The following FAT3 variants were observed in gnomAD, a reference collection of about 807,000 sequenced individuals.
FAT3 encodes the protein protocadherin Fat 3.
In FAT3, 95 loss-of-function variants were observed where a neutral mutation model predicts 310.2. The observed-to-expected ratio is 0.31, with a 90% CI of 0.26 to 0.36. The LOEUF (loss-of-function observed/expected upper bound fraction) is 0.36. FAT3 is among the 10% of genes least tolerant of loss of function. The pLI is 1.00. For synonymous variants in FAT3, 2,314 were observed against 2,192.9 expected, an observed-to-expected ratio of 1.06 and a Z score of -1.54; for missense variants, 5,408 against 5,715.6, an observed-to-expected ratio of 0.95 and a Z score of 1.74.
intron 2 of FAT3, among the ~76,000 whole-genome samples, chr11:92,424,706 A>G (rs189822775): frequency 1.6e-4 from 25 of 152,268 alleles, no homozygotes; most frequent in African/African-American, 5.1e-4. Context: ...TGAAACATTT[A>G]TCACTTCTTT....
At chr11:92,773,307 C>T (rs1946506058) in intron 6 of FAT3, among the ~76,000 whole-genome samples, 1 of 152,120 alleles carries the variant, frequency 6.6e-6, no homozygotes. Flanking sequence ...GTAAAGTTTT[C>T]TAAACTTCCA....
chr11:92,575,906 A>G (rs1301397723), intron 3 of FAT3, among the ~76,000 whole-genome samples: 3 of 152,200 alleles, frequency 2.0e-5, no homozygotes, highest in African/African-American at 7.2e-5. Context: ...GTTATTTAAA[A>G]GTATCAGAGA....
intron 13 of FAT3, among the ~76,000 whole-genome samples, chr11:92,824,996 A>G (rs958038710): frequency 2.0e-5 from 3 of 152,164 alleles, no homozygotes; most frequent in African/African-American, 7.2e-5. Context: ...TTTTTTCACA[A>G]ATGCAAACAT....
chr11:92,732,913 A>G (rs565881202), intron 4 of FAT3, among the ~76,000 whole-genome samples: 59 of 152,280 alleles, frequency 3.9e-4, no homozygotes, highest in African/African-American at 1.4e-3. Flanking sequence ...TGGACGGTGG[A>G]AAGGTGATAA....
In FAT3 at chr11:92,817,558, T is replaced by C. The variant is rs568072182; in HGVS notation, c.9481+7482T>C. On this transcript the variant is annotated intron_variant, in intron 13 of 27. Coordinates refer to ENST00000525166, the MANE Select transcript of FAT3 (RefSeq NM_001367949.2). ...TTGCTGTCTATGTTGGGAATTTGTTTAGTGAGTATTTCATGAGAGAGATAG... is the reference window on the plus strand; with the variant it reads ...TTGCTGTCTATGTTGGGAATTTGTTCAGTGAGTATTTCATGAGAGAGATAG... Among the ~76,000 whole-genome samples the C allele has an allele frequency of 2.0e-5, 3 of 152,292 alleles. No homozygotes were observed. The South Asian group carries it at 6.2e-4, about 32-fold the overall frequency.
At chr11:92,636,960 C>G (rs59768266) in intron 3 of FAT3, among the ~76,000 whole-genome samples, 4,483 of 152,258 alleles carry the variant, frequency 0.029, 235 homozygotes, top group African/African-American at 0.099. Context: ...GACCTCTGGC[C>G]ATCACTGCAG....
chr11:92,378,303 C>A (rs911832867), intron 2 of FAT3, among the ~76,000 whole-genome samples: 7 of 152,056 alleles, frequency 4.6e-5, no homozygotes, highest in Admixed American at 3.3e-4. Context: ...GCTCTCTTGG[C>A]CAGTGGTTAG....
intron 3 of FAT3, among the ~76,000 whole-genome samples, chr11:92,565,582 C>A: frequency 6.6e-6 from 1 of 151,330 alleles, no homozygotes; most frequent in African/African-American, 2.4e-5. Flanking sequence ...GAGAAACAAC[C>A]AAAAAAGAGA....
chr11:92,839,754 G>A (rs1948490678), intron 17 of FAT3, among the ~76,000 whole-genome samples: 1 of 152,184 alleles, frequency 6.6e-6, no homozygotes, highest in Non-Finnish European at 1.5e-5. Flanking sequence ...TCTAAACAGA[G>A]TAGGGGAAAG....
intron 18 of FAT3, among the ~76,000 whole-genome samples, chr11:92,842,650 T>C (rs1295803866): frequency 6.6e-6 from 1 of 152,132 alleles, no homozygotes; most frequent in Non-Finnish European, 1.5e-5. Context: ...GGCAGGAGGA[T>C]TGCTTGTGCT....
rs1565353395 is a variant in FAT3, at chr11:92,486,129, G to GTTTTTTT, written c.3293-38505_3293-38504insTTTTTTT. On this transcript the variant is annotated intron_variant, in intron 2 of 27. Coordinates refer to ENST00000525166, the MANE Select transcript of FAT3 (RefSeq NM_001367949.2). ...TGTGAAATAGAGGAGAGGCTGCTGG[G>GTTTTTTT]GTTTTTTTTTTTTTTTTTTTTTTTT... 5.5e-3 allele frequency among the ~76,000 whole-genome samples: 152 copies of GTTTTTTT among 27,644 alleles called. 6 individuals carry two copies. Among genetic ancestry groups the GTTTTTTT allele is most frequent in the African/African-American group, 0.012 (139 of 11,756 alleles). 18.1% of individuals were successfully genotyped at this position (27,644 alleles called of 152,430 possible). A position where few individuals can be genotyped will look rare whatever the true frequency, so the allele number is the denominator to read the frequency against.
intron 3 of FAT3, among the ~76,000 whole-genome samples, chr11:92,535,896 G>T (rs1954241732): frequency 6.6e-6 from 1 of 151,208 alleles, no homozygotes; most frequent in East Asian, 1.9e-4. Flanking sequence ...TCATAAATCA[G>T]GATCTCATCA....
chr11:92,711,296 T>A (rs1019686767), intron 4 of FAT3, among the ~76,000 whole-genome samples: 1 of 152,186 alleles, frequency 6.6e-6, no homozygotes, highest in South Asian at 2.1e-4. Flanking sequence ...ATATTTACAT[T>A]CAATATGTTA....
chr11:92,462,170 T>G lies in FAT3; in HGVS notation c.3293-62464T>G, dbSNP rs147832518. Among the ~76,000 whole-genome samples the G allele has an allele frequency of 5.2e-3, 794 of 152,314 alleles. 7 individuals carry two copies. Among genetic ancestry groups the G allele is most frequent in the Non-Finnish European group, 7.2e-3 (493 of 68,024 alleles). Reference sequence around the variant, plus strand: ...GGTTGTTTTTATTTTTATTTTTTCTTTCTAATTTTTATTTTAGGTTCAGGG... The same window carrying G: ...GGTTGTTTTTATTTTTATTTTTTCTGTCTAATTTTTATTTTAGGTTCAGGG... On this transcript the variant is annotated intron_variant, in intron 2 of 27. Transcript: ENST00000525166.
intron 3 of FAT3, among the ~76,000 whole-genome samples, chr11:92,565,796 T>C (rs1591458925): frequency 6.6e-6 from 1 of 152,146 alleles, no homozygotes; most frequent in Admixed American, 6.5e-5. Context: ...CCACATGATA[T>C]CTCAATAGAT....
chr11:92,485,340 G>A (rs918947664), intron 2 of FAT3, among the ~76,000 whole-genome samples: 1 of 152,180 alleles, frequency 6.6e-6, no homozygotes, highest in Non-Finnish European at 1.5e-5. Flanking sequence ...CTTATTGACA[G>A]ATTTCATTTT....
In FAT3 at chr11:92,331,182, CAA is replaced by C. The variant is rs533025290; in HGVS notation, c.-17-20913_-17-20912del. Among the ~76,000 whole-genome samples, 275 of 152,048 alleles carry C rather than the reference CAA, an allele frequency of 1.8e-3. 1 individual carries two copies. The highest frequency in any genetic ancestry group is 1.7e-3 in the East Asian group (9 of 5,182). ...AGCCTATCTTTAAGATGTGGTAGAT[CAA>C]GAGTAATTTAACATGATTTAGCGCT... On this transcript the variant is annotated intron_variant, in intron 1 of 27. Coordinates refer to ENST00000525166, the MANE Select transcript of FAT3 (RefSeq NM_001367949.2).
At chr11:92,868,268 A>G (rs1335156853) in intron 22 of FAT3, among the ~76,000 whole-genome samples, 2 of 152,238 alleles carry the variant, frequency 1.3e-5, no homozygotes, top group Non-Finnish European at 2.9e-5. Context: ...TAAACTGTCC[A>G]TGAAATGATG....
intron 1 of FAT3, among the ~76,000 whole-genome samples, chr11:92,289,787 A>T (rs1946648065): frequency 6.6e-6 from 1 of 151,896 alleles, no homozygotes; most frequent in Non-Finnish European, 1.5e-5. Context: ...TAGCCTCTTT[A>T]CTGGTCTCTT....
Sources: gnomAD v4.1 joint callset for allele counts (sites outside exome capture counted in the v4.1 genomes callset) on GRCh38, gnomAD v4.1.1 for gene constraint, MANE v1.5 for transcripts, NCBI Gene and HGNC (gene_info 2026-07-23, HGNC 2026-07-21) for gene names.